ARPC1A: variants seen among roughly 807,000 people sequenced by gnomAD.
The protein encoded by ARPC1A is actin-related protein 2/3 complex subunit 1A.
A neutral mutation model predicts 46.9 loss-of-function variants in ARPC1A; 8 were observed. The ratio of observed to expected loss-of-function variants is 0.17; its 90% confidence interval spans 0.10 to 0.31. The LOEUF (loss-of-function observed/expected upper bound fraction) is 0.31, where lower values mean the gene tolerates loss of function less well. Among genes scored for constraint, ARPC1A ranks in the 10% least tolerant of loss-of-function variants. The probability of loss-of-function intolerance (pLI) is 1.00; values close to 1 mark genes in which losing one functional copy is unlikely to be tolerated. For missense variants in ARPC1A, 286 were observed against 483.6 expected (o/e 0.59, Z 3.83); for synonymous variants, 152 against 169.0 (o/e 0.90, Z 0.78).
chr7:99,359,854 G>C, intron 8 of ARPC1A, 116 bp downstream of exon 8: 1 of 1,211,190 alleles, frequency 8.3e-7, no homozygotes. Flanking sequence ...CATTCTTTCA[G>C]GGACAAGTGC....
At chr7:99,344,920 CTTTTTTTTTTTT>C (rs1172071932) in intron 4 of ARPC1A, among the ~76,000 whole-genome samples, 2 of 20,100 alleles carry the variant, frequency 1.0e-4, no homozygotes, top group African/African-American at 4.4e-4. Flanking sequence ...TAACAATGTT[CTTTTTTTTTTTT>C]TTTTTTTTTT....
chr7:99,331,050 A>G (rs528767532), intron 1 of ARPC1A, among the ~76,000 whole-genome samples: 3 of 152,372 alleles, frequency 2.0e-5, no homozygotes, highest in Admixed American at 2.0e-4. Flanking sequence ...CTCTTTGCCT[A>G]GATTCACCAG....
intron 2 of ARPC1A, among the ~76,000 whole-genome samples, chr7:99,337,747 C>T (rs993062236): frequency 1.3e-5 from 2 of 152,160 alleles, no homozygotes; most frequent in African/African-American, 4.8e-5. Flanking sequence ...AGCCTGGGTC[C>T]ATGATAGCAG....
At chr7:99,339,036 C>T (rs1032922329) in intron 3 of ARPC1A, among the ~76,000 whole-genome samples, 1 of 152,096 alleles carries the variant, frequency 6.6e-6, no homozygotes, top group Non-Finnish European at 1.5e-5. Flanking sequence ...ATAATCGCCA[C>T]CAGAATTACC....
intron 1 of ARPC1A, among the ~76,000 whole-genome samples, chr7:99,332,822 G>A (rs1793168675): frequency 6.6e-6 from 1 of 151,582 alleles, no homozygotes; most frequent in Admixed American, 6.6e-5. Context: ...AGGATGGTCT[G>A]GATCTCCTGA....
chr7:99,344,594 C>T (rs2150865607), intron 4 of ARPC1A, 79 bp downstream of exon 4: 3 of 1,417,060 alleles, frequency 2.1e-6, no homozygotes, highest in Non-Finnish European at 2.9e-6. Flanking sequence ...CACCATAACT[C>T]CAGTTTTTCT....
At chr7:99,360,332 T>C (rs1793717883) in intron 8 of ARPC1A, 1 of 152,544 alleles carries the variant, frequency 6.6e-6, no homozygotes, top group Admixed American at 6.5e-5. Flanking sequence ...TTTAATTTTT[T>C]TTTTTTTTTT....
chr7:99,358,252 G>A, intron 6 of ARPC1A, 88 bp from the exon 7 acceptor site: 1 of 1,348,720 alleles, frequency 7.4e-7, no homozygotes, highest in Non-Finnish European at 1.1e-6. Context: ...AGAAGCCCCT[G>A]TGAGAATGGG....
rs777526180 is a variant in ARPC1A, at chr7:99,338,316, A to G, written c.169+31A>G. The G allele has an allele frequency of 4.0e-6, 6 of 1,495,416 alleles. No individual in the cohort carries two copies. The South Asian group carries it at 6.0e-5, about 15-fold the overall frequency. The allele number at this position is 1,495,416 out of a possible 1,614,324, so 92.6% of individuals were successfully genotyped here. ...GGAAGATAGCCGTGAGCTTAGTGTG[A>G]TATTTCCAAATCAGGCACTCTTCCT... is the stretch of plus-strand genomic sequence containing the variant. On this transcript the variant is annotated intron_variant, in intron 3 of 9. Transcript: ENST00000262942.
At chr7:99,332,914 TGA>T (rs549612930) in intron 1 of ARPC1A, among the ~76,000 whole-genome samples, 14 of 149,636 alleles carry the variant, frequency 9.4e-5, no homozygotes, top group African/African-American at 2.5e-4. Flanking sequence ...TTTTTTTTTT[TGA>T]GACAGAGTCT....
chr7:99,365,952 C>T lies in ARPC1A; in HGVS notation c.*23C>T. The T allele has an allele frequency of 6.4e-7, 1 of 1,564,628 alleles. No homozygotes were observed. The highest frequency in any genetic ancestry group is 8.7e-7 in the Non-Finnish European group (1 of 1,152,876). ...TGAAGCTGAGTGAGCCTCCGCCATC[C>T]AGCATGACAAACTGTGGCCGACCGC... On this transcript the variant is annotated 3_prime_UTR_variant, in exon 10 of 10. Transcript: ENST00000262942.
intron 5 of ARPC1A, among the ~76,000 whole-genome samples, chr7:99,352,789 AC>A (rs1309829198): frequency 6.6e-6 from 1 of 151,626 alleles, no homozygotes; most frequent in African/African-American, 2.4e-5. Flanking sequence ...ACATGGTGAA[AC>A]CCCATCTCTA....
rs149195158 is a variant in ARPC1A, at chr7:99,354,249, G to A, written c.713+128G>A. 248 of 1,106,162 alleles carry A rather than the reference G, an allele frequency of 2.2e-4. No homozygotes were observed. The African/African-American group carries it at 3.7e-3, about 16-fold the overall frequency. 68.5% of individuals were successfully genotyped at this position (1,106,162 alleles called of 1,614,324 possible). On this transcript the variant is annotated intron_variant, in intron 6 of 9. Coordinates refer to ENST00000262942, the MANE Select transcript of ARPC1A (RefSeq NM_006409.4). ...CATAAAAACCTTAATCAGGCCAGGC[G>A]TGGTGGCTCACGCCTGTAATCCCAG...
At chr7:99,337,528 G>A (rs1012930671) in intron 2 of ARPC1A, among the ~76,000 whole-genome samples, 2 of 152,162 alleles carry the variant, frequency 1.3e-5, no homozygotes, top group African/African-American at 4.8e-5. Context: ...TTTGGATTTG[G>A]GAGCATGTCA....
intron 2 of ARPC1A, among the ~76,000 whole-genome samples, chr7:99,335,119 C>G (rs1793220210): frequency 6.6e-6 from 1 of 152,092 alleles, no homozygotes; most frequent in East Asian, 1.9e-4. Context: ...GCTGGGATTA[C>G]AGGTGTAAGC....
chr7:99,365,754 TC>T, intron 9 of ARPC1A, 136 bp from the exon 10 acceptor site: 1 of 899,564 alleles, frequency 1.1e-6, no homozygotes, highest in Non-Finnish European at 1.7e-6. Context: ...TCCTGGGAGA[TC>T]CTGTTTCAGG....
intron 6 of ARPC1A, among the ~76,000 whole-genome samples, chr7:99,357,219 T>C (rs960800814): frequency 1.7e-4 from 26 of 152,164 alleles, no homozygotes; most frequent in African/African-American, 6.3e-4. Flanking sequence ...GATTACATGC[T>C]CCACCTTTCC....
At chr7:99,328,004 CA>C (rs79727026) in intron 1 of ARPC1A, among the ~76,000 whole-genome samples, 8,122 of 152,158 alleles carry the variant, frequency 0.053, 533 homozygotes, top group East Asian at 0.31. Context: ...GGAGTAGGGC[CA>C]AGAATTTATA....
At chr7:99,333,987 A>G (rs1262851742) in intron 2 of ARPC1A, among the ~76,000 whole-genome samples, 1 of 151,018 alleles carries the variant, frequency 6.6e-6, no homozygotes, top group African/African-American at 2.4e-5. Flanking sequence ...AAAAAATAGA[A>G]AAACTGTGTG....
Sources: gnomAD v4.1 joint callset for allele counts (sites outside exome capture counted in the v4.1 genomes callset) on GRCh38, gnomAD v4.1.1 for gene constraint, MANE v1.5 for transcripts, NCBI Gene and HGNC (gene_info 2026-07-23, HGNC 2026-07-21) for gene names.